PCNX2: variants seen among roughly 807,000 people sequenced by gnomAD.
The protein encoded by PCNX2 is pecanex-like protein 2.
In PCNX2, 168 loss-of-function variants were observed where a neutral mutation model predicts 223.8. The observed-to-expected ratio is 0.75, with a 90% CI of 0.66 to 0.85. PCNX2 has a LOEUF of 0.85. PCNX2 is among the 40% of genes least tolerant of loss of function. PCNX2 has a pLI of 0.00. For synonymous variants in PCNX2, 1,006 were observed against 1,052.6 expected (o/e 0.96, Z 0.86); for missense variants, 2,507 against 2,675.5 (o/e 0.94, Z 1.39).
rs776461252 is a variant in PCNX2, at chr1:233,017,190, AT to A, written c.4606-37del. 4 of 727,284 alleles carry A rather than the reference AT, an allele frequency of 5.5e-6. No individual in the cohort carries two copies. In the Admixed American group the frequency reaches 1.4e-4, roughly 26 times the overall value. The allele number at this position is 727,284 out of a possible 1,614,324, so 45.1% of individuals were successfully genotyped here. On this transcript the variant is annotated intron_variant, in intron 26 of 33. Coordinates refer to ENST00000258229, the MANE Select transcript of PCNX2 (RefSeq NM_014801.4). ...AAAGCCAGGAAGATTTTATTTATTA[AT>A]TTAATCTTAGAAAGTAAATCAACCT...
At chr1:233,217,548 T>C (rs1657041547) in intron 12 of PCNX2, among the ~76,000 whole-genome samples, 1 of 152,080 alleles carries the variant, frequency 6.6e-6, no homozygotes, top group Admixed American at 6.6e-5. Flanking sequence ...GTGTCAAACA[T>C]TCAGGTGGAG....
chr1:232,984,749 G>A, intron 33 of PCNX2: 1 of 365,934 alleles, frequency 2.7e-6, no homozygotes, highest in South Asian at 4.8e-5. Flanking sequence ...GGGGGGAAGG[G>A]GCATTTGTGC....
chr1:233,056,400 T>C (rs1034154349), intron 24 of PCNX2, among the ~76,000 whole-genome samples: 6 of 152,328 alleles, frequency 3.9e-5, no homozygotes, highest in Admixed American at 3.3e-4. Context: ...AGACAGCAAC[T>C]ATGATTAACT....
intron 17 of PCNX2, 103 bp downstream of exon 17, chr1:233,177,699 C>T (rs1572025588): frequency 1.0e-6 from 1 of 975,502 alleles, no homozygotes; most frequent in East Asian, 2.5e-5. Context: ...TCTTTCTGTC[C>T]TAGTCCTTCT....
intron 22 of PCNX2, among the ~76,000 whole-genome samples, chr1:233,094,292 C>T (rs774046338): frequency 8.5e-5 from 13 of 152,182 alleles, no homozygotes; most frequent in East Asian, 1.9e-4. Flanking sequence ...TTTAGAAATA[C>T]GTCAGAAAGA....
At chr1:233,310,933 G>A in the PCNX2 span, among the ~76,000 whole-genome samples, 1 of 152,094 alleles carries the variant, frequency 6.6e-6, no homozygotes. Flanking sequence ...AGTGTACCAG[G>A]CTGTTCACCA....
intron 21 of PCNX2, among the ~76,000 whole-genome samples, chr1:233,125,533 C>T (rs933397631): frequency 1.1e-4 from 16 of 152,228 alleles, no homozygotes; most frequent in Admixed American, 1.0e-3. Flanking sequence ...TCTGCTTCCC[C>T]TGACTTCTAG....
At chr1:233,218,416 T>TA (rs1392257510) in intron 10 of PCNX2, among the ~76,000 whole-genome samples, 36 of 124,898 alleles carry the variant, frequency 2.9e-4, no homozygotes, top group Non-Finnish European at 4.7e-4. Context: ...GCCCGGCTAA[T>TA]TTTTTTATTT....
In PCNX2 at chr1:233,116,824, T is replaced by G. The variant is rs138694137; in HGVS notation, c.3837+18189A>C. Among the ~76,000 whole-genome samples the G allele has an allele frequency of 2.2e-3, 338 of 151,786 alleles. 1 individual carries two copies. Among genetic ancestry groups the G allele is most frequent in the African/African-American group, 7.8e-3 (321 of 41,398 alleles). The stretch of plus-strand genomic sequence containing the variant: ...AAGCAGAAATCTATGAAATTACAAA[T>G]AAGACAAAAATAAAGAAAATCAATG... On this transcript the variant is annotated intron_variant, in intron 21 of 33. Transcript: ENST00000258229.
rs925508975 is a variant in PCNX2, at chr1:233,199,137, G to A, written c.2975-107C>T. 1.6e-5 allele frequency: 16 copies of A among 1,007,666 alleles called. No homozygotes were observed. The East Asian group carries it at 1.9e-4, about 12-fold the overall frequency. 62.4% of individuals were successfully genotyped at this position (1,007,666 alleles called of 1,614,324 possible). ...CACATTCGCATACAAGATGCCTGCT[G>A]AAGGGGTAAATAATACATCTATGGG... is the stretch of plus-strand genomic sequence containing the variant. On this transcript the variant is annotated intron_variant, in intron 14 of 33. Transcript: ENST00000258229.
At chr1:233,317,766 T>C in the PCNX2 span, among the ~76,000 whole-genome samples, 7 of 152,350 alleles carry the variant, frequency 4.6e-5, no homozygotes, top group East Asian at 1.3e-3. Context: ...CTAATATGTA[T>C]TAGCACTAGT....
At position 233,207,072 on chromosome 1, in the gene PCNX2, A is replaced by C. The variant is rs369491220; in HGVS notation, c.2863+1446T>G. On this transcript the variant is annotated intron_variant, in intron 13 of 33. Transcript: ENST00000258229. ...TACTCTGCTTCTCAAATGATGTAAC[A>C]GGAAAAGATGTGTTGAGGATGCATA... Among the ~76,000 whole-genome samples the C allele has an allele frequency of 5.9e-5, 9 of 152,138 alleles. No homozygotes were observed. The East Asian group carries it at 1.7e-3, about 29-fold the overall frequency.
intron 31 of PCNX2, 142 bp from the exon 32 acceptor site, chr1:232,998,580 G>C (rs1558151265): frequency 2.5e-6 from 2 of 798,838 alleles, no homozygotes; most frequent in East Asian, 5.7e-5. Context: ...GGTGGGAAGA[G>C]GGGCTGTTGT....
chr1:233,230,281 G>T (rs1435709816), intron 9 of PCNX2, among the ~76,000 whole-genome samples: 3 of 152,144 alleles, frequency 2.0e-5, no homozygotes, highest in African/African-American at 7.2e-5. Flanking sequence ...GAGTAAAGGG[G>T]TCTTGGGCAT....
intron 10 of PCNX2, among the ~76,000 whole-genome samples, chr1:233,224,783 T>C (rs1657598522): frequency 6.6e-6 from 1 of 152,114 alleles, no homozygotes; most frequent in South Asian, 2.1e-4. Context: ...CTGATGACTT[T>C]TGGTAGGCTT....
chr1:233,016,615 C>A (rs560765462), intron 27 of PCNX2, among the ~76,000 whole-genome samples: 22 of 152,206 alleles, frequency 1.4e-4, no homozygotes, highest in African/African-American at 4.3e-4. Flanking sequence ...GTAGGGAAAT[C>A]CCAAAATGTA....
At chr1:233,052,587 CT>C (rs1431343128) in intron 25 of PCNX2, among the ~76,000 whole-genome samples, 1 of 152,208 alleles carries the variant, frequency 6.6e-6, no homozygotes, top group Non-Finnish European at 1.5e-5. Flanking sequence ...TTGCAGGACA[CT>C]GTCATAACAT....
chr1:233,222,001 G>A (rs1657406932), intron 10 of PCNX2, among the ~76,000 whole-genome samples: 1 of 152,148 alleles, frequency 6.6e-6, no homozygotes, highest in African/African-American at 2.4e-5. Context: ...TGTGAGTGGT[G>A]CCATAAGTAA....
intron 15 of PCNX2, among the ~76,000 whole-genome samples, chr1:233,181,377 T>C (rs1302635992): frequency 1.3e-5 from 2 of 152,072 alleles, no homozygotes; most frequent in Non-Finnish European, 2.9e-5. Flanking sequence ...TTTTTTATTA[T>C]AGTAGAGACG....
Sources: allele counts gnomAD v4.1 joint callset (sites outside exome capture counted in the v4.1 genomes callset), GRCh38; gene constraint gnomAD v4.1.1; transcripts MANE v1.5; gene names NCBI Gene and HGNC (gene_info 2026-07-23, HGNC 2026-07-21).